Variants in CLIP1 observed in about 807,000 individuals in gnomAD.
The protein encoded by CLIP1 is CAP-Gly domain containing linker protein 1, also known as CAP-Gly domain-containing linker protein 1.
In CLIP1, 66 loss-of-function variants were observed where a neutral mutation model predicts 161.6. That is an observed-to-expected ratio of 0.41 (90% CI 0.33 to 0.50). The LOEUF is 0.50. Ranked by LOEUF, CLIP1 falls within the 20% of genes least tolerant of loss-of-function variation. CLIP1 has a pLI of 0.27. For synonymous variants in CLIP1, 598 were observed against 626.2 expected (o/e 0.96, Z 0.67); for missense variants, 1,376 against 1,702.0 (o/e 0.81, Z 3.37).
At chr12:122,321,545 G>T (rs1006340371) in intron 17 of CLIP1, among the ~76,000 whole-genome samples, 5 of 147,056 alleles carry the variant, frequency 3.4e-5, no homozygotes, top group Admixed American at 3.4e-4. Context: ...TTTAGATGGG[G>T]TCTCGCTCTG....
intron 19 of CLIP1, among the ~76,000 whole-genome samples, chr12:122,313,118 C>T (rs1380075811): frequency 2.0e-5 from 3 of 152,202 alleles, no homozygotes; most frequent in South Asian, 2.1e-4. Flanking sequence ...ACGCTACCAG[C>T]GTGTCTCCCA....
intron 7 of CLIP1, 87 bp from the exon 8 acceptor site, chr12:122,352,873 G>T (rs571016232): frequency 7.0e-6 from 8 of 1,140,438 alleles, no homozygotes; most frequent in East Asian, 4.7e-5. Flanking sequence ...AAAAAAACAC[G>T]TTGGGCATGG....
chr12:122,368,944 T>C (rs1228361830), intron 3 of CLIP1, among the ~76,000 whole-genome samples: 1 of 151,502 alleles, frequency 6.6e-6, no homozygotes, highest in Non-Finnish European at 1.5e-5. Flanking sequence ...TAGCTGGTAT[T>C]TGCCAAATAC....
intron 10 of CLIP1, 55 bp from the exon 11 acceptor site, chr12:122,341,752 ATTTTCTTTTCTT>A: frequency 6.3e-6 from 1 of 159,390 alleles, no homozygotes; most frequent in African/African-American, 4.1e-5. Context: ...GTCATTGACT[ATTTTCTTTTCTT>A]TTTTTTTTTT....
chr12:122,278,237 G>C, intron 23 of CLIP1, 34 bp from the exon 24 acceptor site: 1 of 1,308,546 alleles, frequency 7.6e-7, no homozygotes, highest in Non-Finnish European at 1.1e-6. Context: ...AAAAACAAGT[G>C]GAGGGAGAAT....
At chr12:122,368,335 T>C (rs150096112) in intron 3 of CLIP1, among the ~76,000 whole-genome samples, 1 of 152,344 alleles carries the variant, frequency 6.6e-6, no homozygotes, top group East Asian at 1.9e-4. Context: ...AAGAGATTTC[T>C]ACAAAATGCT....
intron 18 of CLIP1, among the ~76,000 whole-genome samples, 194 bp downstream of exon 18, chr12:122,319,038 T>A (rs1951379880): frequency 1.3e-5 from 2 of 152,228 alleles, no homozygotes; most frequent in Non-Finnish European, 2.9e-5. Flanking sequence ...GATTTTTTCC[T>A]CAATTTGTAA....
intron 7 of CLIP1, among the ~76,000 whole-genome samples, chr12:122,353,817 G>C (rs901967866): frequency 6.6e-6 from 1 of 151,702 alleles, no homozygotes; most frequent in African/African-American, 2.4e-5. Context: ...TTTTAGTAGA[G>C]ACGGGGTTTC....
intron 3 of CLIP1, among the ~76,000 whole-genome samples, chr12:122,371,533 C>CA (rs1412367392): frequency 6.6e-6 from 1 of 152,132 alleles, no homozygotes; most frequent in Non-Finnish European, 1.5e-5. Context: ...ACAGCATCAC[C>CA]AAATTGACAT....
At chr12:122,422,443 G>C (rs1338166428) in intron 1 of CLIP1, 78 bp downstream of exon 1, 10 of 151,674 alleles carry the variant, frequency 6.6e-5, no homozygotes, top group African/African-American at 2.4e-4. Context: ...ACCCTGGGCG[G>C]GCCCCGCAGG....
rs763107839 is a variant in CLIP1, at chr12:122,328,187, T to C, written c.3034-25A>G. 2.5e-6 allele frequency: 4 copies of C among 1,613,526 alleles called. No homozygotes were observed. The African/African-American group carries it at 4.0e-5, about 16-fold the overall frequency. Reference sequence around the variant, plus strand: ...CCTGCAGAGACCCCGAATGAGGGAATGAGTCATCTGCCCATGCGTGTACTA... The same window carrying C: ...CCTGCAGAGACCCCGAATGAGGGAACGAGTCATCTGCCCATGCGTGTACTA... On this transcript the variant is annotated intron_variant, in intron 16 of 25. Coordinates refer to ENST00000620786, the MANE Select transcript of CLIP1 (RefSeq NM_001247997.2).
rs1951052345 is a variant in CLIP1 at position 122,311,253 on chromosome 12, T to C, written c.3474-1371A>G. On this transcript the variant is annotated intron_variant, in intron 19 of 25. Coordinates refer to ENST00000620786, the MANE Select transcript of CLIP1 (RefSeq NM_001247997.2). The surrounding 1 kb of genome is among the most constrained non-coding windows in gnomAD (Gnocchi z 4.3). ...CCCAGGTGGTCACTGCCTTCATGAG[T>C]GGCTACATGGTGTCTGCATGTGTGT... is the stretch of plus-strand genomic sequence containing the variant. Among the ~76,000 whole-genome samples the C allele has an allele frequency of 6.6e-6, 1 of 151,972 alleles. No individual in the cohort carries two copies. The highest frequency in any genetic ancestry group is 2.1e-4 in the South Asian group (1 of 4,812).
At chr12:122,352,841 TA>T (rs1353278640) in intron 7 of CLIP1, 55 bp from the exon 8 acceptor site, 5 of 1,455,474 alleles carry the variant, frequency 3.4e-6, no homozygotes, top group Admixed American at 1.7e-5. Flanking sequence ...ACACAGCCTT[TA>T]AAAAAACAAA....
At chr12:122,403,067 A>G (rs973109417) in intron 1 of CLIP1, among the ~76,000 whole-genome samples, 2 of 152,162 alleles carry the variant, frequency 1.3e-5, no homozygotes, top group Non-Finnish European at 2.9e-5. Flanking sequence ...TAGTAAAACT[A>G]ACAAGCAGAT....
chr12:122,383,728 A>T (rs1955114925), intron 1 of CLIP1, among the ~76,000 whole-genome samples: 1 of 152,194 alleles, frequency 6.6e-6, no homozygotes, highest in African/African-American at 2.4e-5. Context: ...AAAAGATCAA[A>T]GTCTTTGTCA....
At chr12:122,412,734 GT>G (rs933355890) in intron 1 of CLIP1, among the ~76,000 whole-genome samples, 1 of 151,898 alleles carries the variant, frequency 6.6e-6, no homozygotes, top group African/African-American at 2.4e-5. Context: ...TGGATAATTT[GT>G]TTTTTTCTGT....
intron 1 of CLIP1, among the ~76,000 whole-genome samples, chr12:122,404,267 A>C (rs1288771086): frequency 2.0e-5 from 3 of 152,210 alleles, no homozygotes; most frequent in Non-Finnish European, 4.4e-5. Flanking sequence ...GCCTGGAGAC[A>C]CTGGTTTCAG....
chr12:122,420,111 G>A (rs982570049), intron 1 of CLIP1, among the ~76,000 whole-genome samples: 6 of 151,798 alleles, frequency 4.0e-5, no homozygotes, highest in Non-Finnish European at 5.9e-5. Flanking sequence ...GGAGGCTGAG[G>A]CAGGCGGATC....
rs368702792 is a variant in CLIP1 at position 122,272,858 on chromosome 12, C to T, written c.*17G>A. 6.8e-6 allele frequency: 11 copies of T among 1,610,704 alleles called. No homozygotes were observed. The Middle Eastern group carries it at 6.6e-4, about 97-fold the overall frequency. ...CGAGTGCGTCTGAGCAAGCCCAGTT[C>T]TCCACTGGAGGCTTCATCAGAAGGT... On this transcript the variant is annotated 3_prime_UTR_variant, in exon 26 of 26. Coordinates refer to ENST00000620786, the MANE Select transcript of CLIP1 (RefSeq NM_001247997.2).
Sources: allele counts gnomAD v4.1 joint callset (sites outside exome capture counted in the v4.1 genomes callset), GRCh38; gene constraint gnomAD v4.1.1; non-coding constraint Gnocchi (gnomAD v3.1); transcripts MANE v1.5; gene names NCBI Gene and HGNC (gene_info 2026-07-23, HGNC 2026-07-21).